KCNG2: variants seen among roughly 807,000 people sequenced by gnomAD.
The protein encoded by KCNG2 is voltage-gated potassium channel regulatory subunit KCNG2.
KCNG2 carries 7 observed loss-of-function variants against 12.3 expected under a neutral mutation model. The ratio of observed to expected loss-of-function variants is 0.57; its 90% CI spans 0.32 to 1.07. The LOEUF (loss-of-function observed/expected upper bound fraction) is 1.07. Ranked by LOEUF, KCNG2 falls within the 50% of genes least tolerant of loss-of-function variation. The pLI, the probability that KCNG2 is intolerant of heterozygous loss-of-function variation, is 0.04. For synonymous variants in KCNG2, 414 were observed against 351.4 expected, an observed-to-expected ratio of 1.18 and a Z score of -1.99; for missense variants, 703 against 726.0, an observed-to-expected ratio of 0.97 and a Z score of 0.36.
rs2087583439 is a variant in KCNG2, at chr18:79,822,964, C to T, written c.-115+24950C>T. Reference sequence around the variant, plus strand: ...TGGCATGTGAAGAGCGTGTGGAGCACCCCAAGGCTTTAGGAGTCACTGCCT... The same window carrying T: ...TGGCATGTGAAGAGCGTGTGGAGCATCCCAAGGCTTTAGGAGTCACTGCCT... On this transcript the variant is annotated intron_variant, in intron 1 of 3. Transcript: ENST00000316249. This position sits in a 1 kb window ranked among gnomAD's most constrained non-coding sequence, Gnocchi z 4.4. Among the ~76,000 whole-genome samples, 1 of 152,132 alleles carries T rather than the reference C, an allele frequency of 6.6e-6. No homozygotes were observed. The highest frequency in any genetic ancestry group is 6.5e-5 in the Admixed American group (1 of 15,284).
chr18:79,838,755 A>C (rs530925899), intron 1 of KCNG2, among the ~76,000 whole-genome samples: 31 of 152,326 alleles, frequency 2.0e-4, no homozygotes, highest in Middle Eastern at 3.4e-3. Flanking sequence ...ATTGAACAGA[A>C]TGAAAATATA....
chr18:79,811,117 G>A (rs1307769264), intron 1 of KCNG2, among the ~76,000 whole-genome samples: 2 of 152,204 alleles, frequency 1.3e-5, no homozygotes, highest in East Asian at 3.8e-4. Flanking sequence ...CATGTTCACG[G>A]ATAGGAAGAC....
intron 3 of KCNG2, among the ~76,000 whole-genome samples, chr18:79,893,720 A>G (rs975014294): frequency 1.3e-5 from 2 of 151,600 alleles, no homozygotes; most frequent in South Asian, 2.1e-4. Context: ...CTCCATTCAC[A>G]TCTAATGGTA....
At chr18:79,866,674 TGAGAGGTCTGGGTGCTGA>T (rs1304174454) in intron 3 of KCNG2, among the ~76,000 whole-genome samples, 1 of 54,808 alleles carries the variant, frequency 1.8e-5, no homozygotes, top group Non-Finnish European at 5.2e-5. Flanking sequence ...GTCTGGGTGC[TGAGAGGTCTGGGTGCTGA>T]GAGGTCTGGG....
At chr18:79,889,047 G>A (rs1980654861) in intron 3 of KCNG2, among the ~76,000 whole-genome samples, 1 of 152,114 alleles carries the variant, frequency 6.6e-6, no homozygotes, top group Non-Finnish European at 1.5e-5. Context: ...ATCTATCCTG[G>A]ATGCAAGTCC....
intron 1 of KCNG2, among the ~76,000 whole-genome samples, chr18:79,809,722 G>C (rs959427201): frequency 6.6e-6 from 1 of 152,222 alleles, no homozygotes; most frequent in Non-Finnish European, 1.5e-5. Context: ...TCGCTCCCCA[G>C]AAGGCAATCT....
chr18:79,872,815 G>T (rs187292464), intron 3 of KCNG2, among the ~76,000 whole-genome samples: 11 of 152,316 alleles, frequency 7.2e-5, no homozygotes, highest in African/African-American at 2.6e-4. Flanking sequence ...AATAATTTAC[G>T]TGCCTTGCTT....
chr18:79,859,918 T>C (rs149382520), intron 2 of KCNG2, among the ~76,000 whole-genome samples: 133 of 152,322 alleles, frequency 8.7e-4, no homozygotes, highest in African/African-American at 2.9e-3. Context: ...CATGTTCGCA[T>C]TCCTATAAAG....
chr18:79,823,737 T>C (rs2087590241), intron 1 of KCNG2, among the ~76,000 whole-genome samples: 1 of 152,210 alleles, frequency 6.6e-6, no homozygotes, highest in African/African-American at 2.4e-5. Context: ...CAGCTCTTTA[T>C]GCACATTTGA....
At chr18:79,851,753 A>ATG (rs1486422536) in intron 1 of KCNG2, among the ~76,000 whole-genome samples, 2 of 30,128 alleles carry the variant, frequency 6.6e-5, no homozygotes, top group South Asian at 7.9e-3. Context: ...GTGTGAATGT[A>ATG]TGTGTGTGTG....
chr18:79,882,365 T>A (rs1287002301), intron 3 of KCNG2, among the ~76,000 whole-genome samples: 1 of 150,800 alleles, frequency 6.6e-6, no homozygotes, highest in African/African-American at 2.4e-5. Context: ...TTCTTTTGAC[T>A]TTTGTCCACA....
At chr18:79,888,805 G>A (rs996490497) in intron 3 of KCNG2, among the ~76,000 whole-genome samples, 1 of 151,994 alleles carries the variant, frequency 6.6e-6, no homozygotes, top group African/African-American at 2.4e-5. Context: ...CTCCCGAGTA[G>A]CTGGGATTAC....
At chr18:79,869,314 G>A (rs868804719) in intron 3 of KCNG2, among the ~76,000 whole-genome samples, 1 of 152,208 alleles carries the variant, frequency 6.6e-6, no homozygotes, top group African/African-American at 2.4e-5. Flanking sequence ...CTGGTCTGCT[G>A]CACACGGCGG....
At chr18:79,834,626 G>A (rs892274285) in intron 1 of KCNG2, among the ~76,000 whole-genome samples, 2 of 152,216 alleles carry the variant, frequency 1.3e-5, no homozygotes, top group Admixed American at 6.5e-5. Flanking sequence ...GGTTTAAAAG[G>A]AAACCAGTGT....
chr18:79,804,590 G>A (rs1466396888), intron 1 of KCNG2, among the ~76,000 whole-genome samples: 1 of 152,232 alleles, frequency 6.6e-6, no homozygotes, highest in Non-Finnish European at 1.5e-5. Context: ...CCTGGAGTCT[G>A]TGCTTCAGTC....
At position 79,899,949 on chromosome 18, in the gene KCNG2, C is replaced by G. The variant is rs1272384654; in HGVS notation, c.*133C>G. 2.3e-5 allele frequency: 19 copies of G among 820,122 alleles called. No individual in the cohort carries two copies. Among genetic ancestry groups the G allele is most frequent in the Non-Finnish European group, 3.0e-5 (18 of 609,622 alleles). 50.8% of individuals were successfully genotyped at this position (820,122 alleles called of 1,614,324 possible). A position where few individuals can be genotyped will look rare whatever the true frequency, so the allele number is the denominator to read the frequency against. On this transcript the variant is annotated 3_prime_UTR_variant, in exon 4 of 4. Transcript: ENST00000316249. ...GCCGGCCGCGTCCTCGGCCCTCGTG[C>G]GTGAGCAGCCCCAGAACTTGGCGGG...
chr18:79,887,061 C>CGGGG (rs1980545227), intron 3 of KCNG2, among the ~76,000 whole-genome samples: 4 of 140,120 alleles, frequency 2.9e-5, no homozygotes, highest in Admixed American at 2.1e-4. Flanking sequence ...GACGTGGGGA[C>CGGGG]AGGGACATGG....
chr18:79,802,689 T>G (rs965759502), intron 1 of KCNG2, among the ~76,000 whole-genome samples: 2 of 151,394 alleles, frequency 1.3e-5, no homozygotes, highest in Non-Finnish European at 2.9e-5. Flanking sequence ...GTACAGTGGT[T>G]CTAGCGTGCA....
Position 79,817,509 on chromosome 18 carries a change from A to C in KCNG2, c.-115+19495A>C, listed in dbSNP as rs530324132. ...CGTGTCACACACAGTTCTCACACACACAGTTGCTGCACATGATTATCACAT... is the reference window on the plus strand; with the variant it reads ...CGTGTCACACACAGTTCTCACACACCCAGTTGCTGCACATGATTATCACAT... On this transcript the variant is annotated intron_variant, in intron 1 of 3. Transcript: ENST00000316249. 5.3e-5 allele frequency among the ~76,000 whole-genome samples: 8 copies of C among 152,286 alleles called. No homozygotes were observed. The South Asian group carries it at 1.7e-3, about 32-fold the overall frequency.
Sources: gnomAD v4.1 joint callset for allele counts (sites outside exome capture counted in the v4.1 genomes callset) on GRCh38, gnomAD v4.1.1 for gene constraint, Gnocchi (gnomAD v3.1) non-coding constraint, MANE v1.5 for transcripts, NCBI Gene and HGNC (gene_info 2026-07-23, HGNC 2026-07-21) for gene names.